MYLK: variants seen among roughly 807,000 people sequenced by gnomAD.
The protein encoded by MYLK is myosin light chain kinase, smooth muscle.
A neutral mutation model predicts 203.4 loss-of-function variants in MYLK; 106 were observed. The ratio of observed to expected loss-of-function variants is 0.52; its 90% confidence interval spans 0.45 to 0.61. MYLK has a LOEUF of 0.61. MYLK is among the 20% of genes least tolerant of loss of function. The pLI is 0.00. For missense variants in MYLK, 2,072 were observed against 2,442.3 expected, an observed-to-expected ratio of 0.85 and a Z score of 3.20; for synonymous variants, 867 against 959.5, an observed-to-expected ratio of 0.90 and a Z score of 1.78.
intron 5 of MYLK, among the ~76,000 whole-genome samples, chr3:123,749,115 A>ATATT (rs2063115536): frequency 6.6e-6 from 1 of 150,602 alleles, no homozygotes. Flanking sequence ...ACATACATAC[A>ATATT]TACAAATACA....
At chr3:123,690,983 A>G (rs1404813870) in intron 19 of MYLK, among the ~76,000 whole-genome samples, 2 of 152,200 alleles carry the variant, frequency 1.3e-5, no homozygotes, top group Admixed American at 6.5e-5. Context: ...AAAATCCCCA[A>G]GTGTATTCAG....
rs56074656 is a variant in MYLK, at chr3:123,732,744, C to T, written c.1516+152G>A. On this transcript the variant is annotated intron_variant, in intron 11 of 33. Coordinates refer to ENST00000360304, the MANE Select transcript of MYLK (RefSeq NM_053025.4). ...TGAATCACTGGCCTAGAGCAACACA[C>T]TTGGCCTTGGCATGTGATTGGGGGT... The T allele has an allele frequency of 8.6e-3, 6,377 of 737,966 alleles. 55 individuals carry two copies. The highest frequency in any genetic ancestry group is 0.013 in the Non-Finnish European group (5,675 of 424,710). 45.7% of individuals were successfully genotyped at this position (737,966 alleles called of 1,614,324 possible). A position where few individuals can be genotyped will look rare whatever the true frequency, so the allele number is the denominator to read the frequency against.
intron 12 of MYLK, 123 bp from the exon 13 acceptor site, chr3:123,722,403 G>A (rs774394486): frequency 1.4e-5 from 16 of 1,122,926 alleles, no homozygotes; most frequent in African/African-American, 4.6e-5. Context: ...CAGATCCACT[G>A]AGGGCTAATG....
At chr3:123,752,195 T>A in intron 5 of MYLK, 136 bp downstream of exon 5, 1 of 893,934 alleles carries the variant, frequency 1.1e-6, no homozygotes, top group Non-Finnish European at 1.9e-6. Flanking sequence ...GATTGGAAGG[T>A]CCGGGGTTCA....
intron 4 of MYLK, among the ~76,000 whole-genome samples, chr3:123,780,196 G>A (rs1042201475): frequency 4.6e-5 from 7 of 152,140 alleles, no homozygotes; most frequent in Non-Finnish European, 7.3e-5. Context: ...CACTTCGGGC[G>A]GCCTAGGTGG....
In MYLK at chr3:123,700,103, G is replaced by T. The variant is rs1475333215; in HGVS notation, c.3365C>A (p.Ser1122Tyr). ...GATGATGGTGGCTGGGGGGTCAGAA[G>T]ACACCTGGCACTGGAGCAGCAGCTT... ...GKKLLLQCQV[S>Y]SDPPATIIWT... The change falls in exon 18 of 34, where the codon TCT (serine) becomes TAT (tyrosine). Residue 1122 changes from serine (S) to tyrosine (Y), a missense_variant. Physicochemically the swap from Ser to Tyr is moderately radical, Grantham distance 144. Coordinates refer to ENST00000360304, the MANE Select transcript of MYLK (RefSeq NM_053025.4). 1.2e-6 allele frequency: 2 copies of T among 1,613,834 alleles called. No homozygotes were observed. Among genetic ancestry groups the T allele is most frequent in the Non-Finnish European group, 1.7e-6 (2 of 1,179,986 alleles).
At chr3:123,718,562 G>A (rs1337533338) in intron 13 of MYLK, among the ~76,000 whole-genome samples, 3 of 152,028 alleles carry the variant, frequency 2.0e-5, no homozygotes, top group Admixed American at 1.3e-4. Context: ...GCTACTCCTC[G>A]AATGGGTCAA....
intron 29 of MYLK, among the ~76,000 whole-genome samples, chr3:123,630,310 T>C (rs967165042): frequency 7.9e-5 from 12 of 152,198 alleles, no homozygotes; most frequent in Admixed American, 2.6e-4. Flanking sequence ...TCCTCTAAAA[T>C]GGAGAAGCTG....
intron 4 of MYLK, among the ~76,000 whole-genome samples, chr3:123,778,662 C>T (rs965073528): frequency 6.6e-6 from 1 of 152,234 alleles, no homozygotes; most frequent in African/African-American, 2.4e-5. Context: ...CCCAGTCACC[C>T]CTTCCTCCAC....
chr3:123,679,255 G>A (rs960246456), intron 20 of MYLK, among the ~76,000 whole-genome samples: 4 of 150,950 alleles, frequency 2.6e-5, no homozygotes, highest in Admixed American at 1.3e-4. Flanking sequence ...TGTAGTGAGC[G>A]GAGATCGCGC....
chr3:123,704,747 C>CAAAAAAA (rs5852352), intron 16 of MYLK, among the ~76,000 whole-genome samples: 207 of 87,594 alleles, frequency 2.4e-3, no homozygotes, highest in South Asian at 0.011. Flanking sequence ...ACTAAAAATA[C>CAAAAAAA]AAAAAAAAAA....
chr3:123,746,989 G>T (rs2063038420), intron 5 of MYLK, among the ~76,000 whole-genome samples: 1 of 152,152 alleles, frequency 6.6e-6, no homozygotes. Context: ...GAAGAACCAT[G>T]ACAAACATCC....
At chr3:123,653,395 G>A (rs1232927543) in intron 24 of MYLK, among the ~76,000 whole-genome samples, 1 of 152,160 alleles carries the variant, frequency 6.6e-6, no homozygotes, top group Non-Finnish European at 1.5e-5. Context: ...AGAGTCCTCT[G>A]CCCTGAGGCC....
chr3:123,676,630 G>A (rs1330760770), intron 20 of MYLK, among the ~76,000 whole-genome samples: 1 of 152,208 alleles, frequency 6.6e-6, no homozygotes, highest in Admixed American at 6.5e-5. Context: ...CAGAGGTGAA[G>A]CTCAGGCCAA....
intron 12 of MYLK, among the ~76,000 whole-genome samples, chr3:123,722,576 A>G (rs557596428): frequency 2.0e-5 from 3 of 152,210 alleles, no homozygotes; most frequent in East Asian, 1.9e-4. Context: ...AAAATGCAGG[A>G]GGGAAAGGGA....
At chr3:123,714,942 G>A (rs1185989491) in intron 13 of MYLK, among the ~76,000 whole-genome samples, 1 of 152,114 alleles carries the variant, frequency 6.6e-6, no homozygotes, top group Non-Finnish European at 1.5e-5. Context: ...AGACGAAGCT[G>A]TTAATAGGAC....
intron 4 of MYLK, among the ~76,000 whole-genome samples, chr3:123,776,943 C>G (rs1259781453): frequency 6.6e-6 from 1 of 152,156 alleles, no homozygotes; most frequent in Non-Finnish European, 1.5e-5. Flanking sequence ...AAAGAAACCC[C>G]CAGCTTAGAA....
chr3:123,693,254 G>A (rs1032481395), intron 18 of MYLK, among the ~76,000 whole-genome samples: 1 of 152,224 alleles, frequency 6.6e-6, no homozygotes, highest in African/African-American at 2.4e-5. Flanking sequence ...ACAGACCTGT[G>A]TTAGGAACAG....
At chr3:123,766,771 C>A (rs967119955) in intron 4 of MYLK, among the ~76,000 whole-genome samples, 1 of 152,382 alleles carries the variant, frequency 6.6e-6, no homozygotes, top group Admixed American at 6.5e-5. Flanking sequence ...CTTAGTTCCA[C>A]AGGGCACAGC....
Sources: gnomAD v4.1 joint callset for allele counts (sites outside exome capture counted in the v4.1 genomes callset) on GRCh38, gnomAD v4.1.1 for gene constraint, MANE v1.5 for transcripts, NCBI Gene and HGNC (gene_info 2026-07-23, HGNC 2026-07-21) for gene names.